The following ZNF804B variants were observed in gnomAD, a reference collection of about 807,000 sequenced individuals.
ZNF804B encodes zinc finger protein 804B.
A neutral mutation model predicts 101.4 loss-of-function variants in ZNF804B; 80 were observed. The ratio of observed to expected loss-of-function variants is 0.79; its 90% CI spans 0.66 to 0.95. The LOEUF is 0.95. Ranked by LOEUF, ZNF804B falls within the 40% of genes least tolerant of loss-of-function variation. The pLI is 0.00. For missense variants in ZNF804B, 1,673 were observed against 1,561.9 expected, an observed-to-expected ratio of 1.07 and a Z score of -1.20; for synonymous variants, 622 against 558.8, an observed-to-expected ratio of 1.11 and a Z score of -1.59.
intron 1 of ZNF804B, among the ~76,000 whole-genome samples, chr7:89,195,888 C>G (rs1166554551): frequency 6.2e-5 from 4 of 64,026 alleles, no homozygotes; most frequent in African/African-American, 1.1e-4. Context: ...TAAACCACTG[C>G]TCAAAAAATC....
intron 2 of ZNF804B, among the ~76,000 whole-genome samples, chr7:89,291,726 A>G (rs1790294624): frequency 6.6e-6 from 1 of 152,154 alleles, no homozygotes. Flanking sequence ...CAAATGGGTA[A>G]TAATAGAGAA....
chr7:88,834,579 T>C (rs1791181536), intron 1 of ZNF804B, among the ~76,000 whole-genome samples: 1 of 151,672 alleles, frequency 6.6e-6, no homozygotes, highest in African/African-American at 2.4e-5. Context: ...GATTTATAGA[T>C]TATCTTGATT....
intron 1 of ZNF804B, among the ~76,000 whole-genome samples, chr7:89,088,395 C>T (rs1463823976): frequency 6.6e-6 from 1 of 151,742 alleles, no homozygotes. Flanking sequence ...AATATGGTAG[C>T]CACTTGAAAT....
chr7:89,008,992 C>T (rs937437989), intron 1 of ZNF804B, among the ~76,000 whole-genome samples: 3 of 152,134 alleles, frequency 2.0e-5, no homozygotes, highest in Non-Finnish European at 2.9e-5. Context: ...GGGTCATATA[C>T]CTGCCAGACT....
Position 88,849,418 on chromosome 7 carries a change from A to G in ZNF804B, c.108+89334A>G, listed in dbSNP as rs374669542. On this transcript the variant is annotated intron_variant, in intron 1 of 3. Coordinates refer to ENST00000333190, the MANE Select transcript of ZNF804B (RefSeq NM_181646.5). The stretch of plus-strand genomic sequence containing the variant: ...AAGAGTGGGCTTAATCCAACATTTT[A>G]TATTTTTAATTATAAATATTGAGTA... Among the ~76,000 whole-genome samples the G allele has an allele frequency of 2.0e-5, 3 of 151,926 alleles. No individual in the cohort carries two copies. In the East Asian group the frequency reaches 5.8e-4, roughly 29 times the overall value.
At chr7:89,188,773 C>T (rs1329673570) in intron 1 of ZNF804B, among the ~76,000 whole-genome samples, 2 of 152,074 alleles carry the variant, frequency 1.3e-5, no homozygotes, top group African/African-American at 4.8e-5. Flanking sequence ...CAGAGCAAGG[C>T]CTTAACTCTC....
intron 1 of ZNF804B, among the ~76,000 whole-genome samples, chr7:89,015,415 T>C (rs1257343530): frequency 1.3e-5 from 2 of 151,930 alleles, no homozygotes; most frequent in Admixed American, 1.3e-4. Flanking sequence ...ATACATGTGC[T>C]ATGCTGGTGT....
intron 1 of ZNF804B, among the ~76,000 whole-genome samples, chr7:89,211,969 T>C (rs1301915334): frequency 1.3e-5 from 2 of 152,136 alleles, no homozygotes; most frequent in Non-Finnish European, 2.9e-5. Flanking sequence ...ATTTTTCCTA[T>C]CCATGAGCAT....
chr7:89,205,247 A>G (rs527265181), intron 1 of ZNF804B, among the ~76,000 whole-genome samples: 1 of 152,140 alleles, frequency 6.6e-6, no homozygotes, highest in African/African-American at 2.4e-5. Context: ...TTGGGTGGGG[A>G]CACAGAGCCA....
intron 1 of ZNF804B, among the ~76,000 whole-genome samples, chr7:89,158,800 TTG>T (rs1435263440): frequency 3.3e-5 from 5 of 152,284 alleles, no homozygotes; most frequent in African/African-American, 1.2e-4. Flanking sequence ...CTTTTGTGAC[TTG>T]ACTTGTACCT....
chr7:89,208,255 T>C (rs530695291), intron 1 of ZNF804B, among the ~76,000 whole-genome samples: 1 of 152,226 alleles, frequency 6.6e-6, no homozygotes, highest in South Asian at 2.1e-4. Flanking sequence ...CTAATTTTTT[T>C]GTATTTTTAA....
chr7:89,018,101 A>G (rs1438472516), intron 1 of ZNF804B, among the ~76,000 whole-genome samples: 1 of 152,144 alleles, frequency 6.6e-6, no homozygotes, highest in Non-Finnish European at 1.5e-5. Context: ...TCGATATATT[A>G]GAGGACAGGC....
intron 1 of ZNF804B, among the ~76,000 whole-genome samples, chr7:89,136,189 C>G (rs528835748): frequency 3.3e-5 from 5 of 152,066 alleles, no homozygotes; most frequent in Non-Finnish European, 7.4e-5. Context: ...AAAGCAAGCT[C>G]AGGCATGAGT....
chr7:89,021,431 G>T (rs1788665868), intron 1 of ZNF804B, among the ~76,000 whole-genome samples: 1 of 152,156 alleles, frequency 6.6e-6, no homozygotes, highest in Non-Finnish European at 1.5e-5. Context: ...ACTGTTGCTT[G>T]GTTGTCTCAA....
intron 1 of ZNF804B, among the ~76,000 whole-genome samples, chr7:88,871,205 A>G (rs1398342537): frequency 6.6e-6 from 1 of 152,156 alleles, no homozygotes; most frequent in Non-Finnish European, 1.5e-5. Flanking sequence ...ATTCTTACTG[A>G]GGTGATTAAA....
At chr7:89,159,920 C>T (rs1562900953) in intron 1 of ZNF804B, among the ~76,000 whole-genome samples, 1 of 152,072 alleles carries the variant, frequency 6.6e-6, no homozygotes, top group Non-Finnish European at 1.5e-5. Flanking sequence ...ACTTTCTGAG[C>T]TCCCAAAGGA....
intron 2 of ZNF804B, among the ~76,000 whole-genome samples, chr7:89,233,067 G>A (rs1469769309): frequency 5.9e-5 from 9 of 151,430 alleles, no homozygotes; most frequent in East Asian, 1.9e-4. Context: ...GACTACAGGC[G>A]CCCGCCACCA....
intron 2 of ZNF804B, among the ~76,000 whole-genome samples, chr7:89,271,654 C>G (rs1789897744): frequency 1.3e-5 from 2 of 152,086 alleles, no homozygotes; most frequent in Non-Finnish European, 2.9e-5. Flanking sequence ...GTACCAGCTC[C>G]TCTTTGTACC....
At chr7:88,808,781 T>G (rs2115729015) in intron 1 of ZNF804B, among the ~76,000 whole-genome samples, 1 of 152,314 alleles carries the variant, frequency 6.6e-6, no homozygotes, top group South Asian at 2.1e-4. Context: ...GGATGAAAGT[T>G]AACCTAACTT....
Sources: gnomAD v4.1 joint callset for allele counts (sites outside exome capture counted in the v4.1 genomes callset) on GRCh38, gnomAD v4.1.1 for gene constraint, MANE v1.5 for transcripts, NCBI Gene and HGNC (gene_info 2026-07-23, HGNC 2026-07-21) for gene names.